The following VCL variants were observed in gnomAD, a reference collection of about 807,000 sequenced individuals.
VCL encodes vinculin, also known as epididymis luminal protein 114.
In VCL, 47 loss-of-function variants were observed where a neutral mutation model predicts 125.7. The ratio of observed to expected loss-of-function variants is 0.37; its 90% CI spans 0.30 to 0.48. VCL has a LOEUF of 0.48. Among genes scored for constraint, VCL ranks in the 20% least tolerant of loss-of-function variants. The probability of loss-of-function intolerance (pLI) is 0.99; values close to 1 mark genes in which losing one functional copy is unlikely to be tolerated. For synonymous variants in VCL, 458 were observed against 514.6 expected (o/e 0.89, Z 1.49); for missense variants, 1,069 against 1,455.5 (o/e 0.73, Z 4.32).
intron 1 of VCL, among the ~76,000 whole-genome samples, chr10:74,018,657 GA>G (rs1309296748): frequency 1.3e-5 from 2 of 152,070 alleles, no homozygotes; most frequent in African/African-American, 2.4e-5. Context: ...TGTCCCTTGT[GA>G]AGGGACTCAG....
intron 1 of VCL, among the ~76,000 whole-genome samples, chr10:74,001,724 C>T (rs187047832): frequency 2.0e-5 from 3 of 152,110 alleles, no homozygotes; most frequent in East Asian, 1.9e-4. Context: ...CATAGTATTA[C>T]GGTAAAATAA....
At chr10:74,054,016 A>G (rs950737850) in intron 2 of VCL, among the ~76,000 whole-genome samples, 1 of 152,146 alleles carries the variant, frequency 6.6e-6, no homozygotes, top group African/African-American at 2.4e-5. Context: ...ACCCAAAGAC[A>G]TGGTTGGTAT....
At chr10:74,089,736 A>G (rs1839846751) in intron 9 of VCL, among the ~76,000 whole-genome samples, 2 of 152,226 alleles carry the variant, frequency 1.3e-5, no homozygotes, top group African/African-American at 4.8e-5. Flanking sequence ...AGCATTTCAC[A>G]AACACACATG....
intron 15 of VCL, among the ~76,000 whole-genome samples, chr10:74,104,696 C>G (rs757238229): frequency 2.0e-5 from 3 of 152,036 alleles, no homozygotes; most frequent in Non-Finnish European, 4.4e-5. Flanking sequence ...GTGAGAGGGA[C>G]AGGGAGAAAA....
Position 74,053,760 on chromosome 10 carries a change from G to A in VCL, c.239+10607G>A, listed in dbSNP as rs530740590. On this transcript the variant is annotated intron_variant, in intron 2 of 21. Coordinates refer to ENST00000211998, the MANE Select transcript of VCL (RefSeq NM_014000.3). ...CAAGTGGCTGGGATTACAGGTGCCC[G>A]CCACCATGCCTGGCTAATTTTTATA... Among the ~76,000 whole-genome samples, 14 of 151,960 alleles carry A rather than the reference G, an allele frequency of 9.2e-5. No individual in the cohort carries two copies. In the South Asian group the frequency reaches 2.9e-3, roughly 32 times the overall value.
intron 6 of VCL, chr10:74,077,348 G>C (rs180749751): frequency 6.5e-6 from 1 of 152,768 alleles, no homozygotes; most frequent in East Asian, 1.9e-4. Context: ...AAATATCAAA[G>C]TGCTGCAAAA....
chr10:74,098,609 G>A (rs556336117), intron 13 of VCL, among the ~76,000 whole-genome samples: 3 of 152,350 alleles, frequency 2.0e-5, no homozygotes, highest in African/African-American at 7.2e-5. Context: ...AGCTGCAAAG[G>A]AGTTTAGGAA....
At chr10:74,079,276 C>A (rs1283303074) in intron 6 of VCL, among the ~76,000 whole-genome samples, 2 of 152,114 alleles carry the variant, frequency 1.3e-5, no homozygotes, top group East Asian at 3.9e-4. Context: ...GTCCCCAAAG[C>A]CACATGACTA....
Position 73,998,349 on chromosome 10 carries a change from C to T in VCL, c.142C>T (p.Gln48Ter). The change falls in exon 1 of 22, where the codon CAG (glutamine) becomes TAG (stop). Residue 48 changes from glutamine (Q) to a stop codon, truncating the protein, a stop_gained. Coordinates refer to ENST00000211998, the MANE Select transcript of VCL (RefSeq NM_014000.3). LOFTEE classifies it high-confidence loss of function. The stretch of plus-strand genomic sequence containing the variant: ...CCTCACCGCGCCCGTGGCCGCCGTG[C>T]AGGCGGCCGTCAGCAACCTCGTCCG... The part of the protein sequence containing the change: ...PDLTAPVAAV[Q>*]AAVSNLVRVG... The T allele has an allele frequency of 6.5e-7, 1 of 1,548,392 alleles. No individual in the cohort carries two copies. The highest frequency in any genetic ancestry group is 8.7e-7 in the Non-Finnish European group (1 of 1,145,390).
intron 18 of VCL, 133 bp from the exon 19 acceptor site, chr10:74,111,776 G>C (rs1310857690): frequency 1.4e-5 from 16 of 1,173,736 alleles, no homozygotes; most frequent in South Asian, 1.2e-4. Flanking sequence ...GGTACACAAG[G>C]CTCCTAGAGA....
In VCL at chr10:73,998,241, A is replaced by G. The variant is rs770570643; in HGVS notation, c.34A>G (p.Ile12Val). Residue 12 changes from isoleucine (I) to valine (V), a missense_variant, in exon 1 of 22, where the codon ATC becomes GTC. Ile to Val is a conservative substitution (Grantham distance 29). This residue lies in a region of VCL where 96 missense variants were observed against 137.6 expected (regional missense o/e 0.70). Coordinates refer to ENST00000211998, the MANE Select transcript of VCL (RefSeq NM_014000.3). ...GTTTCATACGCGCACGATCGAGAGC[A>G]TCCTGGAGCCGGTGGCACAGCAGAT... ...PVFHTRTIES[I>V]LEPVAQQISH... The G allele has an allele frequency of 6.2e-7, 1 of 1,612,962 alleles. No individual in the cohort carries two copies. Among genetic ancestry groups the G allele is most frequent in the East Asian group, 2.2e-5 (1 of 44,822 alleles).
intron 16 of VCL, 67 bp downstream of exon 16, chr10:74,105,420 A>G (rs1006871282): frequency 3.8e-6 from 6 of 1,594,102 alleles, no homozygotes; most frequent in South Asian, 3.3e-5. Flanking sequence ...TCGTGAGGGA[A>G]TATGTACCCC....
intron 2 of VCL, among the ~76,000 whole-genome samples, chr10:74,058,296 G>A (rs190419815): frequency 3.1e-4 from 47 of 152,100 alleles, no homozygotes; most frequent in Non-Finnish European, 5.3e-4. Flanking sequence ...AAGTGTCGTC[G>A]TAGCCTTGTT....
Position 74,105,306 on chromosome 10 carries a change from C to G in VCL, c.2387C>G (p.Pro796Arg). 6.2e-7 allele frequency: 1 copy of G among 1,613,134 alleles called. No individual in the cohort carries two copies. Among genetic ancestry groups the G allele is most frequent in the Non-Finnish European group, 8.5e-7 (1 of 1,180,028 alleles). ...ASDELSKTIS[P>R]MVMDAKAVAG... ...GATGAATTGAGCAAAACCATCTCCC[C>G]GATGGTGATGGATGCAAAAGCTGTG... Residue 796 changes from proline (P) to arginine (R), a missense_variant, in exon 16 of 22, where the codon CCG (proline) becomes CGG (arginine). This residue lies in a region of VCL where 760 missense variants were observed against 928.9 expected (regional missense o/e 0.82). Coordinates refer to ENST00000211998, the MANE Select transcript of VCL (RefSeq NM_014000.3).
intron 1 of VCL, among the ~76,000 whole-genome samples, chr10:73,999,540 C>T (rs7079796): frequency 0.2 from 30,190 of 152,082 alleles, 3,056 homozygotes; most frequent in South Asian, 0.24. Flanking sequence ...ACTGCTCCCC[C>T]ACTGAGCTGT....
At chr10:74,081,461 G>T (rs1170596355) in intron 6 of VCL, among the ~76,000 whole-genome samples, 1 of 152,150 alleles carries the variant, frequency 6.6e-6, no homozygotes. Context: ...GGAAACTGAA[G>T]GAAGCTAGGA....
intron 17 of VCL, among the ~76,000 whole-genome samples, 187 bp from the exon 18 acceptor site, chr10:74,108,784 C>T (rs766496537): frequency 1.3e-5 from 2 of 152,150 alleles, no homozygotes; most frequent in African/African-American, 2.4e-5. Flanking sequence ...CCGGCCACTG[C>T]TAGCTTTTTG....
chr10:74,108,893 G>A, intron 17 of VCL, 78 bp from the exon 18 acceptor site: 1 of 1,576,254 alleles, frequency 6.3e-7, no homozygotes, highest in South Asian at 1.1e-5. Flanking sequence ...TTCTAGGGAT[G>A]CTTTTTAGAA....
chr10:74,020,217 A>T (rs990767219), intron 1 of VCL, among the ~76,000 whole-genome samples: 1 of 152,176 alleles, frequency 6.6e-6, no homozygotes, highest in Non-Finnish European at 1.5e-5. Flanking sequence ...AAATATTTTT[A>T]TTATGCAAAT....
Sources: allele counts gnomAD v4.1 joint callset (sites outside exome capture counted in the v4.1 genomes callset), GRCh38; gene constraint gnomAD v4.1.1; regional missense constraint gnomAD v4.1.1; transcripts MANE v1.5; gene names NCBI Gene and HGNC (gene_info 2026-07-23, HGNC 2026-07-21).